TTC13: variants seen among roughly 807,000 people sequenced by gnomAD.
TTC13 encodes the protein tetratricopeptide repeat domain 13, also known as tetratricopeptide repeat protein 13.
A neutral mutation model predicts 120.0 loss-of-function variants in TTC13; 62 were observed. The observed-to-expected ratio is 0.52, with a 90% CI of 0.42 to 0.64. The LOEUF (loss-of-function observed/expected upper bound fraction) is 0.64. Ranked by LOEUF, TTC13 falls within the 30% of genes least tolerant of loss-of-function variation. The pLI, the probability that TTC13 is intolerant of heterozygous loss-of-function variation, is 0.00. For synonymous variants in TTC13, 384 were observed against 393.5 expected (o/e 0.98, Z 0.28); for missense variants, 824 against 1,050.2 (o/e 0.78, Z 2.98).
chr1:230,919,974 T>TC (rs1308029664), intron 17 of TTC13, among the ~76,000 whole-genome samples: 2 of 152,048 alleles, frequency 1.3e-5, no homozygotes, highest in Admixed American at 1.3e-4. Flanking sequence ...CCCTGAGCAC[T>TC]CCCCAGCCTA....
intron 18 of TTC13, among the ~76,000 whole-genome samples, chr1:230,914,259 C>A (rs1671795599): frequency 6.6e-6 from 1 of 152,150 alleles, no homozygotes; most frequent in South Asian, 2.1e-4. Context: ...TCCACCTCTG[C>A]CACCCCTGAG....
At chr1:230,937,179 C>A (rs779291337) in intron 8 of TTC13, among the ~76,000 whole-genome samples, 2 of 152,178 alleles carry the variant, frequency 1.3e-5, no homozygotes, top group Non-Finnish European at 2.9e-5. Context: ...AATTTCAGTT[C>A]TTGTGCAATT....
chr1:230,931,148 G>C (rs181508298), intron 11 of TTC13, 150 bp downstream of exon 11: 1 of 643,966 alleles, frequency 1.6e-6, no homozygotes, highest in Non-Finnish European at 2.6e-6. Context: ...ATCTAGTCTC[G>C]ACACTAGCAC....
Position 230,906,963 on chromosome 1 carries a change from C to A in TTC13, c.2525G>T (p.Arg842Ile). 6.5e-7 allele frequency: 1 copy of A among 1,544,320 alleles called. No homozygotes were observed. Among genetic ancestry groups the A allele is most frequent in the Non-Finnish European group, 8.7e-7 (1 of 1,153,802 alleles). ...TGTGTTTAGCACCTCAATCATCGAT[C>A]TTAACGTTGGAAACGTTTCTGATAC... ...PSVSETFPTL[R>I]SMIEVLNTDS... is the part of the protein sequence containing the mutation. Residue 842 changes from arginine to isoleucine, a missense_variant, in exon 23 of 23, where the codon AGA (arginine) becomes ATA (isoleucine). This residue lies in a region of TTC13 where 226 missense variants were observed against 259.1 expected (regional missense o/e 0.87). Coordinates refer to ENST00000366661, the MANE Select transcript of TTC13 (RefSeq NM_024525.5).
chr1:230,970,379 A>G (rs751043528), intron 1 of TTC13, among the ~76,000 whole-genome samples: 1 of 152,206 alleles, frequency 6.6e-6, no homozygotes, highest in Non-Finnish European at 1.5e-5. Context: ...GGGATGGGGC[A>G]GTGGCTGGAG....
At chr1:230,952,579 T>C (rs2102929434) in intron 4 of TTC13, among the ~76,000 whole-genome samples, 1 of 152,292 alleles carries the variant, frequency 6.6e-6, no homozygotes, top group Non-Finnish European at 1.5e-5. Context: ...GAAAATACGA[T>C]ATCACATTTC....
intron 4 of TTC13, among the ~76,000 whole-genome samples, chr1:230,946,846 G>A (rs1675048359): frequency 6.6e-6 from 1 of 152,124 alleles, no homozygotes; most frequent in Admixed American, 6.5e-5. Context: ...CTGGTATAGA[G>A]GTTGCTCATG....
intron 1 of TTC13, among the ~76,000 whole-genome samples, chr1:230,972,696 A>C (rs10864644): frequency 0.72 from 109,029 of 152,094 alleles, 39,432 homozygotes; most frequent in South Asian, 0.82. Flanking sequence ...CCACCCAGAG[A>C]TTAAAAAATA....
chr1:230,931,429 A>G lies in TTC13; in HGVS notation c.1169T>C (p.Met390Thr). The G allele has an allele frequency of 6.2e-7, 1 of 1,614,238 alleles. No individual in the cohort carries two copies. Among genetic ancestry groups the G allele is most frequent in the Non-Finnish European group, 8.5e-7 (1 of 1,180,046 alleles). ...LEPYNEVCQY[M>T]KGLSHVAMGQ... is the part of the protein sequence containing the mutation. ...CATGGCAACATGGCTGAGCCCTTTC[A>G]TATACTGGCACACTTCATTATATGG... is the stretch of plus-strand genomic sequence containing the variant. Residue 390 changes from methionine to threonine, a missense_variant, in exon 11 of 23, where the codon ATG becomes ACG. Transcript: ENST00000366661.
At chr1:230,928,377 T>C (rs774125030) in intron 12 of TTC13, among the ~76,000 whole-genome samples, 19 of 152,240 alleles carry the variant, frequency 1.2e-4, no homozygotes, top group Non-Finnish European at 2.5e-4. Context: ...TTGTTACTAC[T>C]ATAAATGATA....
chr1:230,917,369 C>A (rs1186051129), intron 17 of TTC13, among the ~76,000 whole-genome samples: 1 of 152,110 alleles, frequency 6.6e-6, no homozygotes, highest in Non-Finnish European at 1.5e-5. Context: ...GGAATGTGGG[C>A]CCAAGGTCTT....
At position 230,961,219 on chromosome 1, in the gene TTC13, T is replaced by C; in HGVS notation, c.356A>G (p.Glu119Gly). The stretch of plus-strand genomic sequence containing the variant: ...AGAGAAGATGCATACCAGAATCTTC[T>C]CAGTGTTGAGGGAAAGCAAGGAGTC... ...PCDSLLSLNT[E>G]KILSQAKSIA... Residue 119 changes from glutamate (E) to glycine (G), a missense_variant, in exon 2 of 23, where the codon GAG becomes GGG. Coordinates refer to ENST00000366661, the MANE Select transcript of TTC13 (RefSeq NM_024525.5). 1.2e-6 allele frequency: 2 copies of C among 1,613,598 alleles called. No individual in the cohort carries two copies. The highest frequency in any genetic ancestry group is 1.7e-6 in the Non-Finnish European group (2 of 1,179,622).
At chr1:230,907,766 G>T (rs541155882) in intron 22 of TTC13, among the ~76,000 whole-genome samples, 2 of 152,206 alleles carry the variant, frequency 1.3e-5, no homozygotes, top group Admixed American at 1.3e-4. Context: ...TCAAATAGAC[G>T]TGAAAGGCAA....
intron 18 of TTC13, among the ~76,000 whole-genome samples, chr1:230,915,293 G>A (rs1558166621): frequency 6.6e-6 from 1 of 152,224 alleles, no homozygotes; most frequent in South Asian, 2.1e-4. Context: ...CTGAGCAGGT[G>A]GAAACCAGGG....
At chr1:230,910,687 G>T (rs1671412610) in intron 20 of TTC13, among the ~76,000 whole-genome samples, 1 of 152,214 alleles carries the variant, frequency 6.6e-6, no homozygotes, top group East Asian at 1.9e-4. Context: ...ATGTGCACAG[G>T]CCTCACATCC....
chr1:230,942,868 T>C lies in TTC13; in HGVS notation c.672+938A>G, dbSNP rs2102885262. On this transcript the variant is annotated intron_variant, in intron 6 of 22. Coordinates refer to ENST00000366661, the MANE Select transcript of TTC13 (RefSeq NM_024525.5). The surrounding 1 kb of genome is among the most constrained non-coding windows in gnomAD (Gnocchi z 4.0). ...TCAGCAAACACTCCCAACATTCCCC[T>C]TCTTCTCTTCCCAAAGAAGCGCCTC... Among the ~76,000 whole-genome samples the C allele has an allele frequency of 6.6e-6, 1 of 152,280 alleles. No homozygotes were observed. The highest frequency in any genetic ancestry group is 2.4e-5 in the African/African-American group (1 of 41,560).
chr1:230,908,901 A>C (rs1367862971), intron 21 of TTC13, 41 bp downstream of exon 21: 4 of 1,610,840 alleles, frequency 2.5e-6, no homozygotes, highest in Non-Finnish European at 3.4e-6. Flanking sequence ...ATTGGGACTT[A>C]ATACATAACC....
chr1:230,951,214 A>C (rs1036027184), intron 4 of TTC13, among the ~76,000 whole-genome samples: 8 of 152,212 alleles, frequency 5.3e-5, no homozygotes, highest in African/African-American at 1.9e-4. Context: ...CTGGAGTTAA[A>C]ATACCCTTTA....
At chr1:230,976,383 G>C (rs1361929185) in intron 1 of TTC13, among the ~76,000 whole-genome samples, 2 of 152,172 alleles carry the variant, frequency 1.3e-5, no homozygotes, top group African/African-American at 4.8e-5. Flanking sequence ...AGGTTTCATA[G>C]GGTCCAGCTT....
Sources: allele counts gnomAD v4.1 joint callset (sites outside exome capture counted in the v4.1 genomes callset), GRCh38; gene constraint gnomAD v4.1.1; regional missense constraint gnomAD v4.1.1; non-coding constraint Gnocchi (gnomAD v3.1); transcripts MANE v1.5; gene names NCBI Gene and HGNC (gene_info 2026-07-23, HGNC 2026-07-21).